Variants in SDK1 observed in about 807,000 individuals in gnomAD.
The protein encoded by SDK1 is sidekick cell adhesion molecule 1.
Under a neutral mutation model 245.5 loss-of-function variants are expected in SDK1, and 157 were observed. The observed-to-expected ratio is 0.64, with a 90% CI of 0.56 to 0.73. The LOEUF (loss-of-function observed/expected upper bound fraction) is 0.73, where lower values mean the gene tolerates loss of function less well. SDK1 is among the 30% of genes least tolerant of loss of function. The pLI, the probability that SDK1 is intolerant of heterozygous loss-of-function variation, is 0.00. For missense variants in SDK1, 3,583 were observed against 3,002.3 expected, an observed-to-expected ratio of 1.19 and a Z score of -4.52; for synonymous variants, 1,647 against 1,278.5, an observed-to-expected ratio of 1.29 and a Z score of -6.15.
At chr7:4,194,097 A>G (rs1783401041) in intron 35 of SDK1, among the ~76,000 whole-genome samples, 1 of 152,238 alleles carries the variant, frequency 6.6e-6, no homozygotes, top group South Asian at 2.1e-4. Flanking sequence ...AAACCAACAG[A>G]AGAACTCCAT....
intron 4 of SDK1, among the ~76,000 whole-genome samples, chr7:3,644,760 A>G: frequency 8.1e-6 from 1 of 123,388 alleles, no homozygotes; most frequent in South Asian, 3.2e-4. Flanking sequence ...GTGACAGAGC[A>G]AGACCCTGTC....
At chr7:3,499,081 C>T (rs1006210420) in intron 1 of SDK1, among the ~76,000 whole-genome samples, 2 of 152,180 alleles carry the variant, frequency 1.3e-5, no homozygotes, top group African/African-American at 2.4e-5. Context: ...CAAATGCATT[C>T]AGTAAAGTGT....
chr7:3,375,409 G>T (rs1210582686), intron 1 of SDK1, among the ~76,000 whole-genome samples: 2 of 151,162 alleles, frequency 1.3e-5, no homozygotes, highest in Non-Finnish European at 2.9e-5. Context: ...TAAAATAGAT[G>T]GTTGGTTATC....
intron 1 of SDK1, among the ~76,000 whole-genome samples, chr7:3,540,942 T>A (rs1395174778): frequency 6.6e-6 from 1 of 152,202 alleles, no homozygotes; most frequent in African/African-American, 2.4e-5. Flanking sequence ...GGGGAAGTTA[T>A]GACAGTAGAT....
intron 14 of SDK1, among the ~76,000 whole-genome samples, chr7:4,001,186 G>A (rs745982040): frequency 2.6e-5 from 4 of 152,198 alleles, no homozygotes; most frequent in Non-Finnish European, 5.9e-5. Flanking sequence ...AGGAGGTCAG[G>A]CCAGCTTCCA....
intron 5 of SDK1, among the ~76,000 whole-genome samples, chr7:3,940,870 G>A (rs1332873524): frequency 6.6e-6 from 1 of 151,952 alleles, no homozygotes; most frequent in Non-Finnish European, 1.5e-5. Context: ...CTTCTCTGCA[G>A]GCCATCTCCT....
intron 41 of SDK1, 103 bp from the exon 42 acceptor site, chr7:4,237,544 A>C (rs1414937559): frequency 1.5e-6 from 2 of 1,309,864 alleles, no homozygotes; most frequent in African/African-American, 1.5e-5. Context: ...TGTAACTGGG[A>C]GTTATCTACC....
chr7:3,449,037 C>G (rs1780432564), intron 1 of SDK1, among the ~76,000 whole-genome samples: 1 of 152,148 alleles, frequency 6.6e-6, no homozygotes, highest in African/African-American at 2.4e-5. Context: ...AAAGCAATAA[C>G]ATGTAAACAT....
At chr7:3,432,164 TA>T (rs1328268456) in intron 1 of SDK1, among the ~76,000 whole-genome samples, 6 of 145,230 alleles carry the variant, frequency 4.1e-5, no homozygotes, top group African/African-American at 1.5e-4. Context: ...TATATATTTT[TA>T]TATATATATA....
At chr7:3,656,370 G>A (rs1433181830) in intron 4 of SDK1, among the ~76,000 whole-genome samples, 4 of 152,200 alleles carry the variant, frequency 2.6e-5, no homozygotes, top group African/African-American at 9.6e-5. Context: ...GACTATTAGT[G>A]TCAGTGCTAC....
chr7:3,953,184 A>T (rs1279326164), intron 7 of SDK1, among the ~76,000 whole-genome samples: 1 of 151,754 alleles, frequency 6.6e-6, no homozygotes, highest in Non-Finnish European at 1.5e-5. Flanking sequence ...AAAAAAAAAA[A>T]GCTTGTGTTT....
intron 4 of SDK1, among the ~76,000 whole-genome samples, chr7:3,777,371 A>C (rs17133810): frequency 2.0e-5 from 3 of 152,206 alleles, no homozygotes; most frequent in Admixed American, 6.5e-5. Context: ...CTTTATGGCT[A>C]TCAAAGTGTT....
chr7:3,850,329 C>T (rs73036448), intron 5 of SDK1, among the ~76,000 whole-genome samples: 3,180 of 152,290 alleles, frequency 0.021, 50 homozygotes, highest in Middle Eastern at 0.099. Context: ...GCATGTGTAA[C>T]GTTGCTTGGC....
chr7:4,054,348 C>T (rs568212895), intron 19 of SDK1, among the ~76,000 whole-genome samples: 4 of 152,264 alleles, frequency 2.6e-5, no homozygotes, highest in South Asian at 2.1e-4. Flanking sequence ...CTGACATTTG[C>T]GAAACTATAG....
chr7:3,924,620 C>G (rs1385789059), intron 5 of SDK1, among the ~76,000 whole-genome samples: 1 of 152,212 alleles, frequency 6.6e-6, no homozygotes, highest in East Asian at 1.9e-4. Flanking sequence ...ATTTCGCCAG[C>G]TTCCCGGAGA....
At chr7:3,982,497 A>G (rs1328146467) in intron 13 of SDK1, among the ~76,000 whole-genome samples, 1 of 152,208 alleles carries the variant, frequency 6.6e-6, no homozygotes, top group Non-Finnish European at 1.5e-5. Flanking sequence ...GATCTGGGCA[A>G]AGTAAATGGA....
At chr7:3,600,299 A>G (rs887282831) in intron 1 of SDK1, among the ~76,000 whole-genome samples, 1 of 152,216 alleles carries the variant, frequency 6.6e-6, no homozygotes, top group South Asian at 2.1e-4. Context: ...CATTAGTTCT[A>G]GAAGGGCTGT....
Position 3,516,007 on chromosome 7 carries a change from T to C in SDK1, c.299-103073T>C, listed in dbSNP as rs113089555. 1.1e-4 allele frequency among the ~76,000 whole-genome samples: 16 copies of C among 152,298 alleles called. 1 individual carries two copies. The highest frequency in any genetic ancestry group is 2.2e-4 in the African/African-American group (9 of 41,580). ...TTCTTTGCTAATTGTTTTATACTTA[T>C]AGTTCATCAGATGAGAGCTAAAGTG... is the stretch of plus-strand genomic sequence containing the variant. On this transcript the variant is annotated intron_variant, in intron 1 of 44. Coordinates refer to ENST00000404826, the MANE Select transcript of SDK1 (RefSeq NM_152744.4).
intron 4 of SDK1, among the ~76,000 whole-genome samples, chr7:3,760,028 T>C (rs568906597): frequency 6.6e-6 from 1 of 152,344 alleles, no homozygotes; most frequent in South Asian, 2.1e-4. Flanking sequence ...ATTTGTTTTA[T>C]GTATTTTTTT....
Sources: allele counts gnomAD v4.1 joint callset (sites outside exome capture counted in the v4.1 genomes callset), GRCh38; gene constraint gnomAD v4.1.1; transcripts MANE v1.5; gene names NCBI Gene and HGNC (gene_info 2026-07-23, HGNC 2026-07-21).